The following SCUBE1 variants were observed in gnomAD, a reference collection of about 807,000 sequenced individuals.
The protein encoded by SCUBE1 is signal peptide, CUB domain and EGF like domain containing 1.
Under a neutral mutation model 124.4 loss-of-function variants are expected in SCUBE1, and 59 were observed. The ratio of observed to expected loss-of-function variants is 0.47; its 90% CI spans 0.38 to 0.59. SCUBE1 has a LOEUF of 0.59. Among genes scored for constraint, SCUBE1 ranks in the 20% least tolerant of loss-of-function variants. The pLI is 0.00. For missense variants in SCUBE1, 1,150 were observed against 1,371.2 expected (o/e 0.84, Z 2.55); for synonymous variants, 545 against 550.9 (o/e 0.99, Z 0.15).
At position 43,234,308 on chromosome 22, in the gene SCUBE1, T is replaced by C. The variant is rs1922672334; in HGVS notation, c.845-2433A>G. Among the ~76,000 whole-genome samples, 1 of 152,160 alleles carries C rather than the reference T, an allele frequency of 6.6e-6. No homozygotes were observed. The highest frequency in any genetic ancestry group is 1.5e-5 in the Non-Finnish European group (1 of 68,020). ...TTAGGATCCCATCTGCAAACTGGGCTGCTAAATGGTGCCTCTCCTAGCATC... is the reference window on the plus strand; with the variant it reads ...TTAGGATCCCATCTGCAAACTGGGCCGCTAAATGGTGCCTCTCCTAGCATC... On this transcript the variant is annotated intron_variant, in intron 7 of 21. Transcript: ENST00000360835. The surrounding 1 kb of genome is among the most constrained non-coding windows in gnomAD (Gnocchi z 4.4).
rs1056170719 is a variant in SCUBE1 at position 43,255,629 on chromosome 22, C to T, written c.727+2590G>A. 2.7e-6 allele frequency: 4 copies of T among 1,457,852 alleles called. No homozygotes were observed. Among genetic ancestry groups the T allele is most frequent in the East Asian group, 2.5e-5 (1 of 40,464 alleles). The allele number at this position is 1,457,852 out of a possible 1,614,324, so 90.3% of individuals were successfully genotyped here. Reference sequence around the variant, plus strand: ...GGAGCCAGTGGTTAATGACAGCCCACTTCCCGCGGCCCAAGACAGTCAGCC... The same window carrying T: ...GGAGCCAGTGGTTAATGACAGCCCATTTCCCGCGGCCCAAGACAGTCAGCC... On this transcript the variant is annotated intron_variant, in intron 6 of 21. Coordinates refer to ENST00000360835, the MANE Select transcript of SCUBE1 (RefSeq NM_173050.5). The surrounding 1 kb of genome is among the most constrained non-coding windows in gnomAD (Gnocchi z 4.7).
At chr22:43,241,644 C>T (rs1923010272) in intron 6 of SCUBE1, among the ~76,000 whole-genome samples, 1 of 152,322 alleles carries the variant, frequency 6.6e-6, no homozygotes, top group East Asian at 1.9e-4. Context: ...GAGGAGCCCC[C>T]TCCTCTCCCC....
intron 4 of SCUBE1, among the ~76,000 whole-genome samples, chr22:43,266,401 A>G (rs1188686255): frequency 6.6e-6 from 1 of 151,998 alleles, no homozygotes; most frequent in Non-Finnish European, 1.5e-5. Flanking sequence ...CTTCCGAAGC[A>G]CTCATCAGCT....
At chr22:43,319,332 C>T (rs528122917) in intron 3 of SCUBE1, among the ~76,000 whole-genome samples, 304 of 152,002 alleles carry the variant, frequency 2.0e-3, no homozygotes, top group Non-Finnish European at 2.9e-3. Flanking sequence ...TTTGGGAAGC[C>T]GAAGCAGGCG....
chr22:43,204,099 G>A lies in SCUBE1; in HGVS notation c.2865C>T (p.Asn955=). Residue 955 remains asparagine, a synonymous_variant, in exon 22 of 22, where the codon AAC becomes AAT. Coordinates refer to ENST00000360835, the MANE Select transcript of SCUBE1 (RefSeq NM_173050.5). The part of the protein sequence containing the change: ...ALFDVLAHPQ[N]YFKYTAQESK... ...ATTCCTGGGCTGTGTACTTGAAGTA[G>A]TTCTGGGGATGCGCCAGCACGTCGA... 6.2e-7 allele frequency: 1 copy of A among 1,614,072 alleles called. No homozygotes were observed. The highest frequency in any genetic ancestry group is 1.1e-5 in the South Asian group (1 of 91,078).
intron 4 of SCUBE1, among the ~76,000 whole-genome samples, chr22:43,278,112 C>T (rs573081529): frequency 6.6e-6 from 1 of 152,310 alleles, no homozygotes; most frequent in African/African-American, 2.4e-5. Context: ...GAGTGGGAGG[C>T]TCATAAAAAA....
intron 10 of SCUBE1, 40 bp from the exon 11 acceptor site, chr22:43,223,256 G>A: frequency 6.5e-7 from 1 of 1,537,724 alleles, no homozygotes; most frequent in South Asian, 1.3e-5. Context: ...GAGAGGCCAG[G>A]GCGGAGGCTT....
intron 2 of SCUBE1, among the ~76,000 whole-genome samples, chr22:43,325,481 C>T (rs1399482228): frequency 6.7e-6 from 1 of 149,756 alleles, no homozygotes; most frequent in Non-Finnish European, 1.5e-5. Context: ...GTTTCATGCT[C>T]CAAAAAGTCA....
chr22:43,201,766 C>T lies in SCUBE1; in HGVS notation c.*2231G>A, dbSNP rs555258206. 6.6e-6 allele frequency: 1 copy of T among 152,318 alleles called. No individual in the cohort carries two copies. The highest frequency in any genetic ancestry group is 1.9e-4 in the East Asian group (1 of 5,186). 9.4% of individuals were successfully genotyped at this position (152,318 alleles called of 1,614,324 possible). A position where few individuals can be genotyped will look rare whatever the true frequency, so the allele number is the denominator to read the frequency against. ...GTGAGCCAGTTCCCATAATGCAGCC[C>T]CTCACACATCTACGTCTGTATCCTC... is the stretch of plus-strand genomic sequence containing the variant. On this transcript the variant is annotated 3_prime_UTR_variant, in exon 22 of 22. Transcript: ENST00000360835.
chr22:43,278,419 GC>G (rs557539447), intron 4 of SCUBE1, among the ~76,000 whole-genome samples: 128 of 152,326 alleles, frequency 8.4e-4, no homozygotes, highest in Non-Finnish European at 1.5e-3. Context: ...GAAGTTCCTA[GC>G]CGTGCTGCCC....
intron 4 of SCUBE1, 152 bp from the exon 5 acceptor site, chr22:43,262,997 A>G (rs1039031123): frequency 1.7e-5 from 13 of 756,280 alleles, no homozygotes; most frequent in Non-Finnish European, 2.6e-5. Flanking sequence ...GCGCACACAC[A>G]CATATGCGTG....
intron 7 of SCUBE1, 138 bp from the exon 8 acceptor site, chr22:43,232,013 C>T (rs928136073): frequency 7.9e-6 from 8 of 1,016,136 alleles, no homozygotes; most frequent in Non-Finnish European, 1.2e-5. Flanking sequence ...TGGCTGCTGG[C>T]TCCCCAGCTG....
At position 43,320,082 on chromosome 22, in the gene SCUBE1, A is replaced by G; in HGVS notation, c.221-17T>C. On this transcript the variant is annotated splice_polypyrimidine_tract_variant and intron_variant, in intron 2 of 21. Transcript: ENST00000360835. ...CGTCAATGTCTGCAAAAGGAAGGGC[A>G]TGAGAGGTGTCAGAAGAAGAGCCTG... The G allele has an allele frequency of 6.2e-7, 1 of 1,613,454 alleles. No individual in the cohort carries two copies. The highest frequency in any genetic ancestry group is 8.5e-7 in the Non-Finnish European group (1 of 1,179,552).
chr22:43,337,903 T>G (rs958101855), intron 2 of SCUBE1, among the ~76,000 whole-genome samples: 2 of 152,172 alleles, frequency 1.3e-5, no homozygotes, highest in African/African-American at 4.8e-5. Context: ...AGAAGAAAAC[T>G]AGCTGCCAGA....
At chr22:43,298,982 G>A (rs754180558) in intron 3 of SCUBE1, among the ~76,000 whole-genome samples, 19 of 151,942 alleles carry the variant, frequency 1.3e-4, no homozygotes, top group Non-Finnish European at 2.2e-4. Flanking sequence ...AACCCGGGAG[G>A]CGGAGCTTGC....
intron 4 of SCUBE1, among the ~76,000 whole-genome samples, chr22:43,266,833 C>T (rs898765163): frequency 3.3e-5 from 5 of 152,150 alleles, no homozygotes; most frequent in Admixed American, 6.5e-5. Flanking sequence ...TCAGATGCTA[C>T]GTCCCCTGAA....
At chr22:43,252,821 C>T (rs995435797) in intron 6 of SCUBE1, among the ~76,000 whole-genome samples, 1 of 152,122 alleles carries the variant, frequency 6.6e-6, no homozygotes, top group Non-Finnish European at 1.5e-5. Flanking sequence ...GAACGGTCAC[C>T]TCCCTTACTC....
chr22:43,269,141 G>C (rs1344163209), intron 4 of SCUBE1, among the ~76,000 whole-genome samples: 15 of 152,126 alleles, frequency 9.9e-5, no homozygotes. Context: ...GGACAGCGTC[G>C]GGGAAGACGT....
At chr22:43,311,392 G>A (rs1006602458) in intron 3 of SCUBE1, among the ~76,000 whole-genome samples, 2 of 151,526 alleles carry the variant, frequency 1.3e-5, no homozygotes, top group African/African-American at 4.9e-5. Flanking sequence ...AATACTAGGT[G>A]GAAGGCTTTA....
Sources: gnomAD v4.1 joint callset for allele counts (sites outside exome capture counted in the v4.1 genomes callset) on GRCh38, gnomAD v4.1.1 for gene constraint, Gnocchi (gnomAD v3.1) non-coding constraint, MANE v1.5 for transcripts, NCBI Gene and HGNC (gene_info 2026-07-23, HGNC 2026-07-21) for gene names.